Variants in PDE4B observed in about 807,000 individuals in gnomAD.
PDE4B encodes the protein phosphodiesterase 4B, also known as 3',5'-cyclic-AMP phosphodiesterase 4B.
A neutral mutation model predicts 82.2 loss-of-function variants in PDE4B; 20 were observed. The ratio of observed to expected loss-of-function variants is 0.24; its 90% CI spans 0.17 to 0.35. The LOEUF (loss-of-function observed/expected upper bound fraction) is 0.35, where lower values mean the gene tolerates loss of function less well. Ranked by LOEUF, PDE4B falls within the 10% of genes least tolerant of loss-of-function variation. The pLI is 1.00. For synonymous variants in PDE4B, 320 were observed against 318.9 expected (o/e 1.00, Z -0.04); for missense variants, 655 against 907.2 (o/e 0.72, Z 3.57).
intron 3 of PDE4B, 61 bp downstream of exon 3, chr1:65,918,896 C>CTATGA: frequency 2.0e-6 from 2 of 1,022,678 alleles, no homozygotes; most frequent in Non-Finnish European, 3.1e-6. Context: ...TCTCCAAATA[C>CTATGA]AATTTCATAG....
At chr1:65,832,341 A>T (rs1646092321) in intron 1 of PDE4B, among the ~76,000 whole-genome samples, 7 of 152,206 alleles carry the variant, frequency 4.6e-5, no homozygotes. Context: ...TTGGCTAAAG[A>T]TAAAAAAAAT....
chr1:66,087,618 A>G (rs796334836), intron 3 of PDE4B, among the ~76,000 whole-genome samples: 26 of 152,070 alleles, frequency 1.7e-4, no homozygotes, highest in African/African-American at 6.3e-4. Flanking sequence ...TAGGGTTTTT[A>G]TGGTGTCCAA....
intron 3 of PDE4B, among the ~76,000 whole-genome samples, chr1:66,087,762 G>T (rs2937269): frequency 6.6e-6 from 1 of 150,806 alleles, no homozygotes; most frequent in Non-Finnish European, 1.5e-5. Context: ...GTAAACTATC[G>T]CAGGAACAAA....
intron 13 of PDE4B, among the ~76,000 whole-genome samples, chr1:66,366,604 T>A (rs975050984): frequency 1.3e-5 from 2 of 152,228 alleles, no homozygotes; most frequent in Non-Finnish European, 2.9e-5. Context: ...AATATCTGAA[T>A]GACCTAGGTT....
At chr1:65,875,942 A>G (rs1022110491) in intron 1 of PDE4B, among the ~76,000 whole-genome samples, 3 of 150,520 alleles carry the variant, frequency 2.0e-5, no homozygotes, top group African/African-American at 7.3e-5. Flanking sequence ...CCTAAAACTT[A>G]AAGTATAATT....
At chr1:66,348,709 T>C (rs895303025) in intron 8 of PDE4B, among the ~76,000 whole-genome samples, 1 of 151,432 alleles carries the variant, frequency 6.6e-6, no homozygotes, top group Admixed American at 6.6e-5. Context: ...TTATCTGAAA[T>C]TCAAATTTAA....
Position 66,292,252 on chromosome 1 carries a change from G to A in PDE4B, c.634+26165G>A, listed in dbSNP as rs375625564. Among the ~76,000 whole-genome samples, 13 of 152,158 alleles carry A rather than the reference G, an allele frequency of 8.5e-5. No homozygotes were observed. In the East Asian group the frequency reaches 1.7e-3, roughly 20 times the overall value. On this transcript the variant is annotated intron_variant, in intron 7 of 16. Transcript: ENST00000341517. ...TAATAATAGCCAATAGTTGGTGAAT[G>A]TTTATCTTTGCTGAATAGTGTTTTA...
chr1:66,016,032 G>A (rs1267617084), intron 3 of PDE4B, among the ~76,000 whole-genome samples: 1 of 152,178 alleles, frequency 6.6e-6, no homozygotes, highest in Non-Finnish European at 1.5e-5. Flanking sequence ...TGCATTTATG[G>A]ATTGGATAGT....
At chr1:66,298,821 A>G (rs1399521236) in intron 7 of PDE4B, among the ~76,000 whole-genome samples, 1 of 152,198 alleles carries the variant, frequency 6.6e-6, no homozygotes, top group Non-Finnish European at 1.5e-5. Flanking sequence ...CTCTGAGCTC[A>G]TCACTGTAAC....
At chr1:66,335,617 A>G (rs577530904) in intron 8 of PDE4B, among the ~76,000 whole-genome samples, 69 of 152,320 alleles carry the variant, frequency 4.5e-4, no homozygotes, top group Admixed American at 8.5e-4. Flanking sequence ...TGATCCCTTA[A>G]TGCTGGCCAC....
chr1:66,142,475 A>C (rs903521915), intron 3 of PDE4B, among the ~76,000 whole-genome samples: 4 of 152,230 alleles, frequency 2.6e-5, no homozygotes, highest in African/African-American at 9.6e-5. Context: ...ATTTTGTTGC[A>C]GTATGCCAAC....
intron 1 of PDE4B, among the ~76,000 whole-genome samples, chr1:65,898,065 A>T (rs569618977): frequency 1.3e-5 from 2 of 152,110 alleles, no homozygotes; most frequent in Non-Finnish European, 2.9e-5. Flanking sequence ...TGTGATTTTG[A>T]TTTGCACATC....
At chr1:66,270,826 A>G (rs887735039) in intron 7 of PDE4B, among the ~76,000 whole-genome samples, 1 of 152,268 alleles carries the variant, frequency 6.6e-6, no homozygotes, top group Admixed American at 6.5e-5. Context: ...GGAAAAAGAA[A>G]AAGTCAGAAA....
intron 3 of PDE4B, among the ~76,000 whole-genome samples, chr1:66,180,571 C>A (rs1417500591): frequency 6.6e-6 from 1 of 152,094 alleles, no homozygotes; most frequent in African/African-American, 2.4e-5. Flanking sequence ...TGAATTAGGG[C>A]AGCCATTGCC....
intron 3 of PDE4B, among the ~76,000 whole-genome samples, chr1:66,136,260 ATTTG>A (rs1197926824): frequency 3.3e-5 from 5 of 152,164 alleles, no homozygotes; most frequent in Non-Finnish European, 7.4e-5. Context: ...ACTAGTTGAT[ATTTG>A]TTCTTCCAGG....
chr1:65,961,551 A>T (rs1649542327), intron 3 of PDE4B, among the ~76,000 whole-genome samples: 1 of 152,182 alleles, frequency 6.6e-6, no homozygotes, highest in African/African-American at 2.4e-5. Flanking sequence ...ATTTGTCCTT[A>T]CAACCCTCCC....
chr1:66,323,363 C>T (rs1433916422), intron 7 of PDE4B, among the ~76,000 whole-genome samples: 2 of 152,124 alleles, frequency 1.3e-5, no homozygotes, highest in Non-Finnish European at 2.9e-5. Context: ...TTTTGGGTCC[C>T]TGGTTATCCC....
Position 65,863,977 on chromosome 1 carries a change from G to A in PDE4B, c.-70-49268G>A, listed in dbSNP as rs2310882. ...TGCCAGTCTGTGTCTTTTAATTGGGGCTTTTAGCCTATATACATTTAAGAT... is the reference window on the plus strand; with the variant it reads ...TGCCAGTCTGTGTCTTTTAATTGGGACTTTTAGCCTATATACATTTAAGAT... On this transcript the variant is annotated intron_variant, in intron 1 of 16. Coordinates refer to ENST00000341517, the MANE Select transcript of PDE4B (RefSeq NM_002600.4). 2.0e-3 allele frequency among the ~76,000 whole-genome samples: 307 copies of A among 152,080 alleles called. 1 individual carries two copies. The highest frequency in any genetic ancestry group is 3.3e-3 in the Non-Finnish European group (224 of 67,982).
intron 3 of PDE4B, chr1:66,042,549 T>G (rs1169387708): frequency 1.3e-5 from 2 of 151,708 alleles, no homozygotes; most frequent in Non-Finnish European, 2.9e-5. Flanking sequence ...GGCAGAACAA[T>G]AAGTTAAAAG....
Sources: gnomAD v4.1 joint callset for allele counts (sites outside exome capture counted in the v4.1 genomes callset) on GRCh38, gnomAD v4.1.1 for gene constraint, MANE v1.5 for transcripts, NCBI Gene and HGNC (gene_info 2026-07-23, HGNC 2026-07-21) for gene names.